The following FGF14 variants were observed in gnomAD, a reference collection of about 807,000 sequenced individuals.
The protein encoded by FGF14 is fibroblast growth factor 14, also known as fibroblast growth factor homologous factor 4.
A neutral mutation model predicts 25.5 loss-of-function variants in FGF14; 5 were observed. The observed-to-expected ratio is 0.20, with a 90% CI of 0.10 to 0.41. The LOEUF is 0.41. Among genes scored for constraint, FGF14 ranks in the 10% least tolerant of loss-of-function variants. The probability of loss-of-function intolerance (pLI) is 1.00; values close to 1 mark genes in which losing one functional copy is unlikely to be tolerated. For missense variants in FGF14, 222 were observed against 320.1 expected, an observed-to-expected ratio of 0.69 and a Z score of 2.34; for synonymous variants, 138 against 118.3, an observed-to-expected ratio of 1.17 and a Z score of -1.08.
At chr13:101,937,205 CATATCA>C (rs1417741654) in intron 1 of FGF14, among the ~76,000 whole-genome samples, 2 of 152,156 alleles carry the variant, frequency 1.3e-5, no homozygotes, top group Admixed American at 1.3e-4. Context: ...GAATAATGAA[CATATCA>C]GAATAATTCC....
intron 1 of FGF14, among the ~76,000 whole-genome samples, chr13:102,297,904 C>T (rs533424923): frequency 7.9e-5 from 12 of 151,824 alleles, no homozygotes; most frequent in Non-Finnish European, 1.5e-4. Flanking sequence ...TGATGGTGCC[C>T]GTGGAAAGCT....
At chr13:101,901,934 A>G (rs2031611411) in intron 1 of FGF14, among the ~76,000 whole-genome samples, 1 of 152,198 alleles carries the variant, frequency 6.6e-6, no homozygotes, top group South Asian at 2.1e-4. Flanking sequence ...ACATACAAAA[A>G]TGCAATTCAT....
intron 1 of FGF14, among the ~76,000 whole-genome samples, chr13:102,017,962 A>G (rs1407986161): frequency 1.3e-5 from 2 of 151,946 alleles, no homozygotes; most frequent in Admixed American, 1.3e-4. Flanking sequence ...CAAATTTCCA[A>G]TCTCCTTTTT....
intron 2 of FGF14, among the ~76,000 whole-genome samples, chr13:101,871,268 T>C (rs2045062420): frequency 6.6e-6 from 1 of 152,160 alleles, no homozygotes; most frequent in Non-Finnish European, 1.5e-5. Flanking sequence ...TTCTAGTTCT[T>C]CATATAACAG....
At chr13:102,043,591 G>A (rs1335626221) in intron 1 of FGF14, among the ~76,000 whole-genome samples, 2 of 152,188 alleles carry the variant, frequency 1.3e-5, no homozygotes, top group Admixed American at 6.6e-5. Flanking sequence ...ATTAAAAAGA[G>A]GTAAAATGCA....
chr13:101,816,641 T>G (rs2041863357), intron 3 of FGF14, among the ~76,000 whole-genome samples: 1 of 152,294 alleles, frequency 6.6e-6, no homozygotes, highest in East Asian at 1.9e-4. Context: ...TTTGCATATT[T>G]TAATAAAAAA....
At chr13:101,921,642 T>C (rs2034015630), upstream of FGF14, among the ~76,000 whole-genome samples, 1 of 152,216 alleles carries the variant, frequency 6.6e-6, no homozygotes, top group African/African-American at 2.4e-5. Flanking sequence ...CGAAATCCCA[T>C]ACTTCAAAAC....
chr13:102,174,263 T>C (rs1282024532), intron 1 of FGF14, among the ~76,000 whole-genome samples: 1 of 151,658 alleles, frequency 6.6e-6, no homozygotes, highest in Non-Finnish European at 1.5e-5. Context: ...GTCTCCCGAG[T>C]AGCTGGGATT....
At chr13:101,956,736 A>T (rs1318733417) in intron 1 of FGF14, among the ~76,000 whole-genome samples, 1 of 148,904 alleles carries the variant, frequency 6.7e-6, no homozygotes, top group Admixed American at 6.9e-5. Flanking sequence ...TTAAATGCAA[A>T]GCTCCCTATC....
chr13:102,394,585 A>G (rs893672538), intron 1 of FGF14: 6 of 152,218 alleles, frequency 3.9e-5, no homozygotes, highest in Non-Finnish European at 8.8e-5. Flanking sequence ...GGCAACGGAA[A>G]CTTCCCGCGC....
chr13:101,928,285 CT>C (rs1464316751), intron 1 of FGF14, among the ~76,000 whole-genome samples: 1 of 152,144 alleles, frequency 6.6e-6, no homozygotes, highest in African/African-American at 2.4e-5. Flanking sequence ...AATAAAGACA[CT>C]TTTTAGTACA....
At chr13:101,787,078 C>T (rs1012370728) in intron 3 of FGF14, among the ~76,000 whole-genome samples, 1 of 152,052 alleles carries the variant, frequency 6.6e-6, no homozygotes, top group African/African-American at 2.4e-5. Flanking sequence ...TAATTCTGCT[C>T]TTTATTTCCA....
At chr13:101,964,401 G>A (rs2037056198) in intron 1 of FGF14, among the ~76,000 whole-genome samples, 1 of 152,192 alleles carries the variant, frequency 6.6e-6, no homozygotes, top group Non-Finnish European at 1.5e-5. Context: ...TTGCCAAACA[G>A]GATTTCTGAT....
At chr13:101,997,097 C>T (rs556991714) in intron 1 of FGF14, among the ~76,000 whole-genome samples, 16 of 152,214 alleles carry the variant, frequency 1.1e-4, no homozygotes, top group Non-Finnish European at 2.1e-4. Context: ...CTTCAAAGCA[C>T]TTCCTAGCAG....
chr13:102,082,227 G>T (rs1375658810), intron 1 of FGF14, among the ~76,000 whole-genome samples: 1 of 149,402 alleles, frequency 6.7e-6, no homozygotes, highest in Non-Finnish European at 1.5e-5. Flanking sequence ...CTCATAGAAG[G>T]GGCTTAAGGA....
chr13:101,823,401 A>G (rs180922229), intron 3 of FGF14, among the ~76,000 whole-genome samples: 5 of 149,016 alleles, frequency 3.4e-5, no homozygotes, highest in Admixed American at 6.7e-5. Flanking sequence ...TATATAATAT[A>G]TATTTTGTAT....
intron 1 of FGF14, among the ~76,000 whole-genome samples, chr13:102,184,955 A>C: frequency 6.6e-6 from 1 of 152,234 alleles, no homozygotes; most frequent in East Asian, 1.9e-4. Flanking sequence ...ATGCTTAAAT[A>C]AGACAGAATA....
At chr13:101,972,881 T>C (rs2037691212) in intron 1 of FGF14, among the ~76,000 whole-genome samples, 1 of 152,192 alleles carries the variant, frequency 6.6e-6, no homozygotes, top group African/African-American at 2.4e-5. Context: ...GATTTTCCTT[T>C]GCTGGGGGAG....
intron 1 of FGF14, among the ~76,000 whole-genome samples, chr13:102,153,470 A>G (rs17589035): frequency 0.016 from 2,492 of 152,274 alleles, 23 homozygotes; most frequent in Non-Finnish European, 0.026. Flanking sequence ...TTTATTTTCC[A>G]TATGCAATAG....
Sources: allele counts gnomAD v4.1 joint callset (sites outside exome capture counted in the v4.1 genomes callset), GRCh38; gene constraint gnomAD v4.1.1; transcripts MANE v1.5; gene names NCBI Gene and HGNC (gene_info 2026-07-23, HGNC 2026-07-21).